CSMD1: variants seen among roughly 807,000 people sequenced by gnomAD.
CSMD1 encodes the protein CUB and sushi domain-containing protein 1.
Under a neutral mutation model 417.5 loss-of-function variants are expected in CSMD1, and 213 were observed. That is an observed-to-expected ratio of 0.51 (90% CI 0.46 to 0.57). The LOEUF (loss-of-function observed/expected upper bound fraction) is 0.57, where lower values mean the gene tolerates loss of function less well. Ranked by LOEUF, CSMD1 falls within the 20% of genes least tolerant of loss-of-function variation. CSMD1 has a pLI of 0.00. For synonymous variants in CSMD1, 2,862 were observed against 1,736.8 expected (o/e 1.65, Z -16.11); for missense variants, 6,923 against 4,529.7 (o/e 1.53, Z -15.17).
chr8:3,257,872 G>T (rs1289704480), intron 26 of CSMD1, among the ~76,000 whole-genome samples: 1 of 152,042 alleles, frequency 6.6e-6, no homozygotes, highest in Non-Finnish European at 1.5e-5. Flanking sequence ...GTGATCCAGG[G>T]GCCATTGCTG....
intron 2 of CSMD1, among the ~76,000 whole-genome samples, chr8:4,617,446 G>C (rs1801533677): frequency 6.6e-6 from 1 of 152,076 alleles, no homozygotes; most frequent in South Asian, 2.1e-4. Flanking sequence ...TGATATTTTG[G>C]TAAGGCAAAT....
intron 3 of CSMD1, among the ~76,000 whole-genome samples, chr8:4,045,758 C>G (rs532663996): frequency 6.6e-6 from 1 of 152,138 alleles, no homozygotes; most frequent in Non-Finnish European, 1.5e-5. Context: ...CTGTGAAACA[C>G]AAAGACTAAA....
chr8:3,434,171 A>T (rs550976942), intron 12 of CSMD1, among the ~76,000 whole-genome samples: 1 of 152,248 alleles, frequency 6.6e-6, no homozygotes. Context: ...TAAGGCCATC[A>T]TAGTAAATAT....
At chr8:4,393,592 A>G (rs1175176214) in intron 3 of CSMD1, among the ~76,000 whole-genome samples, 1 of 152,150 alleles carries the variant, frequency 6.6e-6, no homozygotes, top group African/African-American at 2.4e-5. Context: ...CTCGTTTCCA[A>G]TTAATGAGTT....
intron 5 of CSMD1, among the ~76,000 whole-genome samples, chr8:3,896,886 T>G (rs1807407316): frequency 6.6e-6 from 1 of 152,004 alleles, no homozygotes; most frequent in African/African-American, 2.4e-5. Context: ...ATCACCTAAT[T>G]CTATTTGATG....
intron 3 of CSMD1, among the ~76,000 whole-genome samples, chr8:4,038,609 T>A (rs761174383): frequency 6.6e-6 from 1 of 152,244 alleles, no homozygotes; most frequent in Non-Finnish European, 1.5e-5. Context: ...CATGAAGAAT[T>A]TAGTAAATAC....
At chr8:4,535,343 T>C (rs142532560) in intron 2 of CSMD1, among the ~76,000 whole-genome samples, 141 of 152,280 alleles carry the variant, frequency 9.3e-4, no homozygotes, top group African/African-American at 3.2e-3. Flanking sequence ...AGTATCTTAT[T>C]TTAGTTTATT....
chr8:4,951,520 G>C (rs1443874091), intron 1 of CSMD1, among the ~76,000 whole-genome samples: 1 of 150,296 alleles, frequency 6.7e-6, no homozygotes, highest in Non-Finnish European at 1.5e-5. Context: ...AAGGATGGGA[G>C]GGGAGAAAGA....
chr8:4,460,631 T>A (rs996249413), intron 2 of CSMD1, among the ~76,000 whole-genome samples: 1 of 152,114 alleles, frequency 6.6e-6, no homozygotes, highest in Non-Finnish European at 1.5e-5. Context: ...TAGAGAATAT[T>A]ACTATGGACC....
chr8:3,052,715 G>A, intron 49 of CSMD1, 68 bp from the exon 50 acceptor site: 1 of 1,106,898 alleles, frequency 9.0e-7, no homozygotes, highest in Non-Finnish European at 1.2e-6. Context: ...TAAAACCATT[G>A]ATTGATTAAT....
At chr8:3,423,311 C>G (rs1004674639) in intron 12 of CSMD1, among the ~76,000 whole-genome samples, 1 of 152,168 alleles carries the variant, frequency 6.6e-6, no homozygotes, top group African/African-American at 2.4e-5. Flanking sequence ...CAATTTCCTC[C>G]ATATCCATTT....
chr8:3,485,528 C>T (rs1471217458), intron 11 of CSMD1, among the ~76,000 whole-genome samples: 1 of 111,176 alleles, frequency 9.0e-6, no homozygotes, highest in Non-Finnish European at 1.8e-5. Flanking sequence ...CATAACAATA[C>T]ACACACACAC....
chr8:3,227,781 T>TG (rs1224788736), intron 27 of CSMD1, among the ~76,000 whole-genome samples: 3 of 152,036 alleles, frequency 2.0e-5, no homozygotes, highest in Non-Finnish European at 2.9e-5. Flanking sequence ...CTTTTTTTTT[T>TG]TTTTGAGACA....
Position 4,945,514 on chromosome 8 carries a change from G to A in CSMD1, c.85+48818C>T, listed in dbSNP as rs78143544. On this transcript the variant is annotated intron_variant, in intron 1 of 69. Coordinates refer to ENST00000635120, the MANE Select transcript of CSMD1 (RefSeq NM_033225.6). ...GTTTTAAAAAAACAAAATAAAAAGA[G>A]GAAGGACATGAAAAAAAAAAAAGTG... is the stretch of plus-strand genomic sequence containing the variant. Among the ~76,000 whole-genome samples the A allele has an allele frequency of 3.2e-3, 453 of 142,348 alleles. 7 individuals are homozygous for A. The highest frequency in any genetic ancestry group is 0.022 in the East Asian group (86 of 3,948). 93.4% of individuals were successfully genotyped at this position (142,348 alleles called of 152,430 possible).
intron 3 of CSMD1, among the ~76,000 whole-genome samples, chr8:4,391,094 A>G (rs138194801): frequency 6.6e-6 from 1 of 152,222 alleles, no homozygotes; most frequent in East Asian, 1.9e-4. Flanking sequence ...ATGAGGACAT[A>G]AACTGAAGGC....
intron 2 of CSMD1, among the ~76,000 whole-genome samples, chr8:4,561,475 G>C (rs1249062033): frequency 6.6e-6 from 1 of 152,178 alleles, no homozygotes; most frequent in Non-Finnish European, 1.5e-5. Flanking sequence ...TTGAGTCCGG[G>C]AGTTCAGGAC....
In CSMD1 at chr8:4,314,345, C is replaced by G. The variant is rs71523626; in HGVS notation, c.415+105608G>C. ...CTAGCCCAACAGCCAGTGCCTCCAC[C>G]TGCCATAGAACATTTCCTACATATT... On this transcript the variant is annotated intron_variant, in intron 3 of 69. Coordinates refer to ENST00000635120, the MANE Select transcript of CSMD1 (RefSeq NM_033225.6). Among the ~76,000 whole-genome samples, 985 of 152,266 alleles carry G rather than the reference C, an allele frequency of 6.5e-3. 7 individuals carry two copies. Among genetic ancestry groups the G allele is most frequent in the Non-Finnish European group, 8.3e-3 (566 of 68,026 alleles).
rs980053806 is a variant in CSMD1, at chr8:3,359,584, A to G, written c.3116-244T>C. Among the ~76,000 whole-genome samples the G allele has an allele frequency of 4.0e-5, 6 of 151,542 alleles. No homozygotes were observed. In the East Asian group the frequency reaches 9.7e-4, roughly 25 times the overall value. On this transcript the variant is annotated intron_variant, in intron 20 of 69. Transcript: ENST00000635120. ...TTGACAGGTAAGAATGAGAATTACT[A>G]GAGGCTGGGAAGGGGGTGTATGGAG... is the stretch of plus-strand genomic sequence containing the variant.
At chr8:3,684,972 G>C (rs1047162547) in intron 7 of CSMD1, among the ~76,000 whole-genome samples, 8 of 152,148 alleles carry the variant, frequency 5.3e-5, no homozygotes, top group African/African-American at 1.9e-4. Flanking sequence ...ACCTGTGGTA[G>C]GAAAGTCAAT....
Sources: gnomAD v4.1 joint callset for allele counts (sites outside exome capture counted in the v4.1 genomes callset) on GRCh38, gnomAD v4.1.1 for gene constraint, MANE v1.5 for transcripts, NCBI Gene and HGNC (gene_info 2026-07-23, HGNC 2026-07-21) for gene names.